ACSBG2: variants seen among roughly 807,000 people sequenced by gnomAD.
ACSBG2 encodes the protein acyl-CoA synthetase bubblegum family member 2.
In ACSBG2, 62 loss-of-function variants were observed where a neutral mutation model predicts 74.7. The observed-to-expected ratio is 0.83, with a 90% CI of 0.68 to 1.03. The LOEUF (loss-of-function observed/expected upper bound fraction) is 1.03, where lower values mean the gene tolerates loss of function less well. Among genes scored for constraint, ACSBG2 ranks in the 50% least tolerant of loss-of-function variants. ACSBG2 has a pLI of 0.00. For synonymous variants in ACSBG2, 309 were observed against 294.1 expected, an observed-to-expected ratio of 1.05 and a Z score of -0.52; for missense variants, 730 against 817.6, an observed-to-expected ratio of 0.89 and a Z score of 1.31.
chr19:6,153,295 C>A (rs1256233381), intron 4 of ACSBG2, among the ~76,000 whole-genome samples: 1 of 152,042 alleles, frequency 6.6e-6, no homozygotes, highest in Non-Finnish European at 1.5e-5. Context: ...CATTAATATA[C>A]CAATTATTGC....
chr19:6,141,325 C>T (rs1286093415), intron 1 of ACSBG2, among the ~76,000 whole-genome samples, 188 bp from the exon 2 acceptor site: 1 of 151,960 alleles, frequency 6.6e-6, no homozygotes, highest in Non-Finnish European at 1.5e-5. Flanking sequence ...GATTGAATAC[C>T]CTCTGGGTTT....
intron 1 of ACSBG2, among the ~76,000 whole-genome samples, chr19:6,140,236 A>AG (rs1304306122): frequency 1.3e-5 from 2 of 151,492 alleles, no homozygotes; most frequent in East Asian, 3.9e-4. Context: ...AAAAAAAAAA[A>AG]AAAGGAATTA....
At chr19:6,151,483 CT>C (rs1904910026) in intron 3 of ACSBG2, among the ~76,000 whole-genome samples, 1 of 151,990 alleles carries the variant, frequency 6.6e-6, no homozygotes, top group Admixed American at 6.6e-5. Context: ...AACTTTTCCA[CT>C]TTTTTTGTAA....
At chr19:6,148,397 G>A (rs994834617) in intron 3 of ACSBG2, 5 of 152,656 alleles carry the variant, frequency 3.3e-5, no homozygotes, top group Non-Finnish European at 7.3e-5. Context: ...TGTAATCCTA[G>A]TGCTTTGGGA....
rs546606527 is a variant in ACSBG2, at chr19:6,190,371, T to G, written c.1928-213T>G. 3.9e-4 allele frequency: 208 copies of G among 530,122 alleles called. 2 individuals are homozygous for G. In the South Asian group the frequency reaches 4.0e-3, roughly 10 times the overall value. The allele number at this position is 530,122 out of a possible 1,614,324, so 32.8% of individuals were successfully genotyped here. A position where few individuals can be genotyped will look rare whatever the true frequency, so the allele number is the denominator to read the frequency against. On this transcript the variant is annotated intron_variant, in intron 13 of 14. Transcript: ENST00000588485. ...CACAGAATGCACCATGCTCTTCACC[T>G]TCCAGCTCACAGAATCCTCACCACA...
At chr19:6,160,384 C>T (rs555571530) in intron 5 of ACSBG2, among the ~76,000 whole-genome samples, 26 of 135,782 alleles carry the variant, frequency 1.9e-4, no homozygotes, top group Admixed American at 1.1e-3. Context: ...AGTGAGACTC[C>T]GTCTCAAAAA....
Position 6,175,104 on chromosome 19 carries a change from C to T in ACSBG2, c.739-2125C>T, listed in dbSNP as rs181177640. Among the ~76,000 whole-genome samples, 18 of 152,308 alleles carry T rather than the reference C, an allele frequency of 1.2e-4. No homozygotes were observed. The East Asian group carries it at 3.3e-3, about 28-fold the overall frequency. ...ATTGTACATCATAGACTATACACAA[C>T]AAGCCCCTTCTCTCAACAAGTGTGC... On this transcript the variant is annotated intron_variant, in intron 7 of 14. Coordinates refer to ENST00000588485, the MANE Select transcript of ACSBG2 (RefSeq NM_030924.5).
chr19:6,167,808 C>T (rs754823977), intron 7 of ACSBG2, among the ~76,000 whole-genome samples: 7 of 152,178 alleles, frequency 4.6e-5, no homozygotes, highest in African/African-American at 7.2e-5. Flanking sequence ...CAATAAATCA[C>T]GGGAGTACAA....
chr19:6,188,900 T>C (rs534975331), intron 13 of ACSBG2, among the ~76,000 whole-genome samples: 3 of 152,362 alleles, frequency 2.0e-5, no homozygotes, highest in East Asian at 3.9e-4. Context: ...TTCACTGGTA[T>C]GCAGGACTTG....
intron 13 of ACSBG2, among the ~76,000 whole-genome samples, chr19:6,189,085 G>A (rs971549190): frequency 6.6e-6 from 1 of 152,156 alleles, no homozygotes; most frequent in Non-Finnish European, 1.5e-5. Context: ...ACCTAATGAT[G>A]AATGTTGAGT....
chr19:6,181,654 G>A (rs1048911925), intron 8 of ACSBG2, among the ~76,000 whole-genome samples: 2 of 151,982 alleles, frequency 1.3e-5, no homozygotes, highest in Admixed American at 6.6e-5. Flanking sequence ...TTTCTTCTAC[G>A]TTTTCTTCCA....
At chr19:6,151,403 G>A (rs546099881) in intron 3 of ACSBG2, among the ~76,000 whole-genome samples, 74 of 152,014 alleles carry the variant, frequency 4.9e-4, no homozygotes, top group Non-Finnish European at 9.0e-4. Context: ...GAACTCTAGG[G>A]CTCAAGTGAT....
chr19:6,153,484 C>T (rs1304844267), intron 4 of ACSBG2, among the ~76,000 whole-genome samples: 1 of 151,852 alleles, frequency 6.6e-6, no homozygotes, highest in Non-Finnish European at 1.5e-5. Context: ...CTCGTTTGTT[C>T]GACTCAAGAT....
intron 7 of ACSBG2, among the ~76,000 whole-genome samples, chr19:6,168,315 G>A (rs1011342369): frequency 3.9e-5 from 6 of 152,032 alleles, no homozygotes; most frequent in Non-Finnish European, 7.4e-5. Flanking sequence ...CCTTCGGGTG[G>A]GTCTCTGCTC....
intron 10 of ACSBG2, among the ~76,000 whole-genome samples, chr19:6,183,714 C>T (rs2090325484): frequency 6.6e-6 from 1 of 152,176 alleles, no homozygotes; most frequent in Admixed American, 6.5e-5. Flanking sequence ...AGCTGTCAGT[C>T]ATAGAATCTT....
chr19:6,172,907 A>T (rs1022885300), intron 7 of ACSBG2, among the ~76,000 whole-genome samples: 1 of 152,172 alleles, frequency 6.6e-6, no homozygotes, highest in Non-Finnish European at 1.5e-5. Flanking sequence ...CCTTGTCCTC[A>T]GCCAGCAGGA....
rs192130043 is a variant in ACSBG2 at position 6,141,534 on chromosome 19, C to T, written c.-10C>T. On this transcript the variant is annotated 5_prime_UTR_variant, in exon 2 of 15. Transcript: ENST00000588485. ...GCAGTGCTGTGGAGCATGGTTTCTG[C>T]ACACCTGGAATGACTGGAACCCCAA... 5,219 of 1,603,206 alleles carry T rather than the reference C, an allele frequency of 3.3e-3. 15 individuals carry two copies. Among genetic ancestry groups the T allele is most frequent in the Non-Finnish European group, 4.1e-3 (4,796 of 1,170,124 alleles).
At chr19:6,187,130 G>A (rs1278080741) in intron 11 of ACSBG2, among the ~76,000 whole-genome samples, 153 bp from the exon 12 acceptor site, 2 of 150,174 alleles carry the variant, frequency 1.3e-5, no homozygotes, top group Non-Finnish European at 3.0e-5. Flanking sequence ...TCAACCTCCC[G>A]AGTAGCTGGG....
intron 2 of ACSBG2, among the ~76,000 whole-genome samples, chr19:6,146,247 A>G (rs11085161): frequency 0.55 from 83,660 of 150,910 alleles, 24,738 homozygotes; most frequent in Admixed American, 0.66. Flanking sequence ...AGGCAGGTGG[A>G]TCACTTGACG....
Sources: gnomAD v4.1 joint callset for allele counts (sites outside exome capture counted in the v4.1 genomes callset) on GRCh38, gnomAD v4.1.1 for gene constraint, MANE v1.5 for transcripts, NCBI Gene and HGNC (gene_info 2026-07-23, HGNC 2026-07-21) for gene names.